The following PPFIA2 variants were observed in gnomAD, a reference collection of about 807,000 sequenced individuals.
PPFIA2 encodes the protein PPFI scaffold protein A2.
A neutral mutation model predicts 175.5 loss-of-function variants in PPFIA2; 46 were observed. The ratio of observed to expected loss-of-function variants is 0.26; its 90% CI spans 0.21 to 0.34. The LOEUF (loss-of-function observed/expected upper bound fraction) is 0.34, where lower values mean the gene tolerates loss of function less well. PPFIA2 is among the 10% of genes least tolerant of loss of function. The pLI is 1.00. For synonymous variants in PPFIA2, 568 were observed against 511.4 expected, an observed-to-expected ratio of 1.11 and a Z score of -1.49; for missense variants, 1,179 against 1,506.1, an observed-to-expected ratio of 0.78 and a Z score of 3.60.
intron 4 of PPFIA2, among the ~76,000 whole-genome samples, chr12:81,629,283 A>C (rs923923757): frequency 2.0e-5 from 3 of 152,202 alleles, no homozygotes; most frequent in Non-Finnish European, 4.4e-5. Flanking sequence ...TTTAAAATGT[A>C]GGAATCATTT....
rs540206174 is a variant in PPFIA2 at position 81,396,747 on chromosome 12, TA to T, written c.762+9039del. 2.6e-5 allele frequency among the ~76,000 whole-genome samples: 4 copies of T among 152,070 alleles called. No individual in the cohort carries two copies. The South Asian group carries it at 8.3e-4, about 31-fold the overall frequency. ...CAGATTACTCTGATTCATGCTGTTT[TA>T]AAAATAGACTGGAGATGGCCCATGG... On this transcript the variant is annotated intron_variant, in intron 8 of 32. Coordinates refer to ENST00000549396, the MANE Select transcript of PPFIA2 (RefSeq NM_003625.5).
chr12:81,633,083 A>G (rs2063579554), intron 4 of PPFIA2, among the ~76,000 whole-genome samples: 1 of 152,088 alleles, frequency 6.6e-6, no homozygotes, highest in Admixed American at 6.5e-5. Context: ...TAAAAACTTG[A>G]TCATAATCAC....
At chr12:81,416,580 T>C (rs1265286218) in intron 7 of PPFIA2, among the ~76,000 whole-genome samples, 1 of 151,688 alleles carries the variant, frequency 6.6e-6, no homozygotes, top group Non-Finnish European at 1.5e-5. Flanking sequence ...AATAGGTGTC[T>C]CACAGTGAAA....
chr12:81,415,193 AAAAAAAAAAAAAAAAAAATATATATATAT>A (rs1170481456), intron 7 of PPFIA2, among the ~76,000 whole-genome samples: 3 of 48,318 alleles, frequency 6.2e-5, no homozygotes, highest in African/African-American at 8.2e-5. Context: ...AAAAAAAAAA[AAAAAAAAAAAAAAAAAAATATATATATAT>A]ATATATATAT....
intron 24 of PPFIA2, 46 bp downstream of exon 24, chr12:81,294,789 C>T: frequency 6.4e-7 from 1 of 1,572,940 alleles, no homozygotes; most frequent in Non-Finnish European, 8.7e-7. Flanking sequence ...AGACACACGG[C>T]TATTTGCCTA....
intron 3 of PPFIA2, among the ~76,000 whole-genome samples, chr12:81,726,176 T>G (rs2080048832): frequency 6.6e-6 from 1 of 151,238 alleles, no homozygotes; most frequent in African/African-American, 2.4e-5. Flanking sequence ...AATGTATTTT[T>G]CTACTAAAGC....
intron 4 of PPFIA2, among the ~76,000 whole-genome samples, chr12:81,513,616 T>C (rs11114896): frequency 0.025 from 3,777 of 152,102 alleles, 91 homozygotes; most frequent in East Asian, 0.12. Flanking sequence ...TTTCCTCTAA[T>C]GTTGACATCT....
intron 4 of PPFIA2, among the ~76,000 whole-genome samples, chr12:81,621,738 C>A (rs1240663454): frequency 3.9e-5 from 6 of 152,112 alleles, no homozygotes; most frequent in African/African-American, 1.4e-4. Flanking sequence ...TTGTCATCAG[C>A]TGAGATGGAG....
chr12:81,598,448 T>G, intron 4 of PPFIA2: 2 of 906,894 alleles, frequency 2.2e-6, no homozygotes, highest in Non-Finnish European at 2.7e-6. Context: ...TAACATACAG[T>G]TTCATTTCAG....
chr12:81,642,738 T>TATATATTATATACATAC lies in PPFIA2; in HGVS notation c.303+34052_303+34053insGTATGTATATAATATAT, dbSNP rs1555549584. ...TGTATTATATACATACATGTATATG[T>TATATATTATATACATAC]ATGTATGTATTATATACATACATGT... On this transcript the variant is annotated intron_variant, in intron 4 of 32. Transcript: ENST00000549396. Among the ~76,000 whole-genome samples, 337 of 47,600 alleles carry TATATATTATATACATAC rather than the reference T, an allele frequency of 7.1e-3. 121 individuals are homozygous for TATATATTATATACATAC. Among genetic ancestry groups the TATATATTATATACATAC allele is most frequent in the Non-Finnish European group, 0.014 (282 of 20,454 alleles). The allele number at this position is 47,600 out of a possible 152,430, so 31.2% of individuals were successfully genotyped here.
At chr12:81,575,789 C>T (rs957732312) in intron 4 of PPFIA2, among the ~76,000 whole-genome samples, 1 of 151,580 alleles carries the variant, frequency 6.6e-6, no homozygotes, top group African/African-American at 2.4e-5. Context: ...ATAAGAGTGA[C>T]AGAAATGAGA....
At chr12:81,342,657 C>T (rs538908522) in intron 19 of PPFIA2, among the ~76,000 whole-genome samples, 1 of 151,966 alleles carries the variant, frequency 6.6e-6, no homozygotes, top group Non-Finnish European at 1.5e-5. Context: ...CCTTTTTAAA[C>T]CCACAACCCA....
intron 4 of PPFIA2, among the ~76,000 whole-genome samples, chr12:81,489,375 C>T (rs2059185448): frequency 6.6e-6 from 1 of 151,594 alleles, no homozygotes; most frequent in African/African-American, 2.4e-5. Flanking sequence ...AGATGCATTC[C>T]CTATGATCAA....
chr12:81,697,749 G>A (rs997865927), intron 3 of PPFIA2, among the ~76,000 whole-genome samples: 1 of 151,980 alleles, frequency 6.6e-6, no homozygotes, highest in Non-Finnish European at 1.5e-5. Context: ...ACTTTGCTTT[G>A]TTCACTGGTC....
chr12:81,445,349 T>C (rs936778666), intron 6 of PPFIA2, among the ~76,000 whole-genome samples: 1 of 151,978 alleles, frequency 6.6e-6, no homozygotes, highest in Admixed American at 6.6e-5. Context: ...ATAGATTCAG[T>C]GGTTTAGAAA....
intron 4 of PPFIA2, among the ~76,000 whole-genome samples, chr12:81,562,454 T>C (rs951103497): frequency 2.6e-5 from 4 of 152,054 alleles, no homozygotes; most frequent in Non-Finnish European, 5.9e-5. Flanking sequence ...GAAAACACTA[T>C]TAGGGGAAAA....
In PPFIA2 at chr12:81,384,302, A is replaced by G. The variant is rs142415905; in HGVS notation, c.763-58T>C. Reference sequence around the variant, plus strand: ...AATTTTCATCTTTAATTTAAAATTTAAAATAAACTTAAAGAAATTAAACTG... The same window carrying G: ...AATTTTCATCTTTAATTTAAAATTTGAAATAAACTTAAAGAAATTAAACTG... On this transcript the variant is annotated intron_variant, in intron 8 of 32. Transcript: ENST00000549396. 571 of 1,174,936 alleles carry G rather than the reference A, an allele frequency of 4.9e-4. 2 individuals are homozygous for G. The African/African-American group carries it at 7.8e-3, about 16-fold the overall frequency. 72.8% of individuals were successfully genotyped at this position (1,174,936 alleles called of 1,614,324 possible).
chr12:81,307,853 G>A (rs1009687698), intron 22 of PPFIA2, among the ~76,000 whole-genome samples: 8 of 152,056 alleles, frequency 5.3e-5, no homozygotes, highest in African/African-American at 1.9e-4. Flanking sequence ...TACCTCATTC[G>A]ATTTTACCCC....
intron 22 of PPFIA2, 130 bp from the exon 23 acceptor site, chr12:81,299,512 G>T: frequency 8.1e-7 from 1 of 1,232,186 alleles, no homozygotes; most frequent in Non-Finnish European, 1.1e-6. Flanking sequence ...TAGAATAACA[G>T]AATTCCTTAT....
Sources: gnomAD v4.1 joint callset for allele counts (sites outside exome capture counted in the v4.1 genomes callset) on GRCh38, gnomAD v4.1.1 for gene constraint, MANE v1.5 for transcripts, NCBI Gene and HGNC (gene_info 2026-07-23, HGNC 2026-07-21) for gene names.